Variants in ACTN3 observed in about 807,000 individuals in gnomAD.
ACTN3 encodes the protein alpha-actinin-3.
Under a neutral mutation model 119.6 loss-of-function variants are expected in ACTN3, and 91 were observed. The observed-to-expected ratio is 0.76, with a 90% confidence interval of 0.64 to 0.91. The LOEUF (loss-of-function observed/expected upper bound fraction) is 0.91, where lower values mean the gene tolerates loss of function less well. ACTN3 is among the 40% of genes least tolerant of loss of function. The pLI is 0.00. For synonymous variants in ACTN3, 456 were observed against 478.8 expected (o/e 0.95, Z 0.62); for missense variants, 1,221 against 1,215.1 (o/e 1.00, Z -0.07).
At chr11:66,556,712 C>G (rs900471773) in intron 8 of ACTN3, among the ~76,000 whole-genome samples, 9 of 152,050 alleles carry the variant, frequency 5.9e-5, no homozygotes, top group Admixed American at 5.9e-4. Context: ...GTTGGGATTA[C>G]AGGCATGAGC....
chr11:66,561,479 G>C lies in ACTN3; in HGVS notation c.2017G>C (p.Gly673Arg), dbSNP rs1857761935. 1.9e-6 allele frequency: 3 copies of C among 1,601,210 alleles called. No individual in the cohort carries two copies. The highest frequency in any genetic ancestry group is 2.7e-5 in the African/African-American group (2 of 74,752). The change falls in exon 17 of 21, where the codon GGG becomes CGG. Residue 673 changes from glycine to arginine, a missense_variant. Coordinates refer to ENST00000513398, the MANE Select transcript of ACTN3 (RefSeq NM_001104.4). ...GCAGGAAGTGGGGCGGCTGGCAGCA[G>C]GGCTAGCTGGCTCTCTGGAGGAGCA... ...KVEEVGRLAA[G>R]LAGSLEEQMA...
At chr11:66,560,528 G>GT (rs1295917391) in intron 14 of ACTN3, 45 bp from the exon 15 acceptor site, 2 of 1,574,684 alleles carry the variant, frequency 1.3e-6, no homozygotes, top group South Asian at 2.4e-5. Context: ...GTTGCCTGTG[G>GT]TAAGTGGGGG....
chr11:66,562,250 C>T lies in ACTN3; in HGVS notation c.2323-7C>T, dbSNP rs767110458. On this transcript the variant is annotated splice_region_variant and splice_polypyrimidine_tract_variant and intron_variant, in intron 18 of 20. Coordinates refer to ENST00000513398, the MANE Select transcript of ACTN3 (RefSeq NM_001104.4). ...GACCAAGCCTGATAACCACTCACCC[C>T]CTACAGAAGCAGAATGGGATGATGG... 5 of 1,613,730 alleles carry T rather than the reference C, an allele frequency of 3.1e-6. No individual in the cohort carries two copies. The African/African-American group carries it at 4.0e-5, about 13-fold the overall frequency.
Position 66,563,092 on chromosome 11 carries a change from T to G in ACTN3, c.2605T>G (p.Cys869Gly), listed in dbSNP as rs370147618. The G allele has an allele frequency of 1.2e-6, 2 of 1,613,140 alleles. No homozygotes were observed. Among genetic ancestry groups the G allele is most frequent in the South Asian group, 2.2e-5 (2 of 91,072 alleles). ...RELPAKQAEY[C>G]IRRMVPYKGS... is the part of the protein sequence containing the mutation. ...GCTCCCTGCCAAGCAGGCCGAGTAC[T>G]GCATCCGCCGTATGGTGCCCTACAA... The change falls in exon 21 of 21, where the codon TGC becomes GGC. Residue 869 changes from cysteine (C) to glycine (G), a missense_variant. Transcript: ENST00000513398.
chr11:66,553,908 G>C lies in ACTN3; in HGVS notation c.383-137G>C, dbSNP rs949271957. On this transcript the variant is annotated intron_variant, in intron 3 of 20. Coordinates refer to ENST00000513398, the MANE Select transcript of ACTN3 (RefSeq NM_001104.4). ...AGAGATGCTTATTGAGCACCTGCTA[G>C]GTGCTCACCTACTAGGTGCCAGCCC... 1.5e-5 allele frequency: 8 copies of C among 529,800 alleles called. No homozygotes were observed. The Admixed American group carries it at 2.6e-4, about 17-fold the overall frequency. The allele number at this position is 529,800 out of a possible 1,614,324, so 32.8% of individuals were successfully genotyped here.
chr11:66,559,448 C>T (rs1857690475), intron 12 of ACTN3, 62 bp downstream of exon 12: 1 of 1,380,942 alleles, frequency 7.2e-7, no homozygotes, highest in African/African-American at 1.5e-5. Context: ...GTGGCGAGCC[C>T]CACCCTGATC....
chr11:66,557,075 A>C, intron 8 of ACTN3, 58 bp from the exon 9 acceptor site: 1 of 1,476,180 alleles, frequency 6.8e-7, no homozygotes, highest in Non-Finnish European at 9.2e-7. Context: ...TCTGGGTTTT[A>C]AGGGCTTTAC....
rs371925216 is a variant in ACTN3 at position 66,561,622 on chromosome 11, C to T, written c.2160C>T (p.Thr720=). The T allele has an allele frequency of 7.8e-5, 126 of 1,612,132 alleles. No individual in the cohort carries two copies. The highest frequency in any genetic ancestry group is 7.6e-4 in the East Asian group (34 of 44,812). The part of the protein sequence containing the change: ...QESLVFDNKH[T]VYSMEHIRVG... ...GCCTGGTGTTCGACAATAAGCACACCGTCTACAGCATGGAGGTGGGATCAC... is the reference window on the plus strand; with the variant it reads ...GCCTGGTGTTCGACAATAAGCACACTGTCTACAGCATGGAGGTGGGATCAC... Residue 720 remains threonine (T), a synonymous_variant, in exon 17 of 21, where the codon ACC becomes ACT. Transcript: ENST00000513398.
intron 8 of ACTN3, among the ~76,000 whole-genome samples, chr11:66,556,792 G>C (rs914444749): frequency 1.8e-4 from 27 of 151,688 alleles, no homozygotes; most frequent in Admixed American, 2.0e-4. Context: ...ACGGAGTCTT[G>C]CTCTGTCGCC....
Position 66,561,639 on chromosome 11 carries a change from T to C in ACTN3, c.2175+2T>C. The C allele has an allele frequency of 6.2e-7, 1 of 1,610,052 alleles. No homozygotes were observed. The highest frequency in any genetic ancestry group is 1.3e-5 in the African/African-American group (1 of 74,892). On this transcript the variant is annotated splice_donor_variant, in intron 17 of 20. Transcript: ENST00000513398. LOFTEE classifies it high-confidence loss of function. ...AAGCACACCGTCTACAGCATGGAGG[T>C]GGGATCACACCCTCTCAGGAGAGTG... is the stretch of plus-strand genomic sequence containing the variant.
intron 4 of ACTN3, 32 bp from the exon 5 acceptor site, chr11:66,554,504 C>A (rs761762563): frequency 6.4e-7 from 1 of 1,556,846 alleles, no homozygotes. Context: ...GGACCCCTTC[C>A]CAATGAATCC....
At chr11:66,562,736 A>G in intron 19 of ACTN3, 60 bp from the exon 20 acceptor site, 2 of 1,525,884 alleles carry the variant, frequency 1.3e-6, no homozygotes, top group Non-Finnish European at 8.8e-7. Flanking sequence ...AGGAGGGGAC[A>G]CTGGGAGCCC....
intron 1 of ACTN3, 36 bp downstream of exon 1, chr11:66,547,120 G>C: frequency 6.8e-7 from 1 of 1,466,784 alleles, no homozygotes. Flanking sequence ...GCAAAACCGA[G>C]GCCTGAGAGG....
chr11:66,563,007 G>A (rs1857827244), intron 20 of ACTN3, 28 bp from the exon 21 acceptor site: 1 of 1,607,892 alleles, frequency 6.2e-7, no homozygotes, highest in South Asian at 1.1e-5. Flanking sequence ...CACGGGACCT[G>A]TGGGTCCTCA....
Position 66,563,297 on chromosome 11 carries a change from T to G in ACTN3, c.*104T>G, listed in dbSNP as rs11227532. 11,211 of 1,381,550 alleles carry G rather than the reference T, an allele frequency of 8.1e-3. 564 individuals carry two copies. In the East Asian group the frequency reaches 0.14, roughly 17 times the overall value. The allele number at this position is 1,381,550 out of a possible 1,614,324, so 85.6% of individuals were successfully genotyped here. On this transcript the variant is annotated 3_prime_UTR_variant, in exon 21 of 21. Transcript: ENST00000513398. ...GGGCCTAAGAGAAAAGCCAGCCAAG[T>G]GCTTCTGAATAAAGATCCCTCTCTG...
chr11:66,562,364 C>T, intron 19 of ACTN3, 42 bp downstream of exon 19: 1 of 1,598,662 alleles, frequency 6.3e-7, no homozygotes, highest in East Asian at 2.2e-5. Context: ...CCAAAGTACC[C>T]CCTCCTCTGT....
At chr11:66,560,463 G>A in intron 14 of ACTN3, 110 bp from the exon 15 acceptor site, 1 of 1,475,262 alleles carries the variant, frequency 6.8e-7, no homozygotes, top group Non-Finnish European at 9.0e-7. Context: ...CGGGGTTCTT[G>A]TGTCAGGACT....
rs1467239601 is a variant in ACTN3, at chr11:66,562,019, C to G, written c.2176-3C>G. The stretch of plus-strand genomic sequence containing the variant: ...TGACAGTGGCCTGTCCCCTGACCGC[C>G]AGCACATCCGCGTGGGCTGGGAGCA... On this transcript the variant is annotated splice_polypyrimidine_tract_variant and splice_region_variant and intron_variant, in intron 17 of 20. Transcript: ENST00000513398. The G allele has an allele frequency of 1.9e-6, 3 of 1,604,782 alleles. No homozygotes were observed. The highest frequency in any genetic ancestry group is 2.6e-6 in the Non-Finnish European group (3 of 1,175,980).
intron 12 of ACTN3, among the ~76,000 whole-genome samples, chr11:66,559,706 C>T (rs1305667523): frequency 2.0e-5 from 3 of 151,714 alleles, no homozygotes; most frequent in Admixed American, 2.0e-4. Context: ...CACCCCCTCC[C>T]ATGAACCCGC....
Sources: gnomAD v4.1 joint callset for allele counts (sites outside exome capture counted in the v4.1 genomes callset) on GRCh38, gnomAD v4.1.1 for gene constraint, MANE v1.5 for transcripts, NCBI Gene and HGNC (gene_info 2026-07-23, HGNC 2026-07-21) for gene names.